Variants in SMYD3 observed in about 807,000 individuals in gnomAD.
SMYD3 encodes the protein histone-lysine N-methyltransferase SMYD3.
In SMYD3, 36 loss-of-function variants were observed where a neutral mutation model predicts 57.7. The ratio of observed to expected loss-of-function variants is 0.62; its 90% CI spans 0.48 to 0.82. The LOEUF (loss-of-function observed/expected upper bound fraction) is 0.82, where lower values mean the gene tolerates loss of function less well. Among genes scored for constraint, SMYD3 ranks in the 40% least tolerant of loss-of-function variants. The pLI, the probability that SMYD3 is intolerant of heterozygous loss-of-function variation, is 0.00. For missense variants in SMYD3, 515 were observed against 538.8 expected (o/e 0.96, Z 0.44); for synonymous variants, 211 against 195.0 (o/e 1.08, Z -0.68).
rs181580590 is a variant in SMYD3 at position 246,327,426 on chromosome 1, A to G, written c.395-89T>C. ...TGTTCAATGCTGGCTGTTAAACCAGATATTTCCTACCTTACATTGGATTTT... is the reference window on the plus strand; with the variant it reads ...TGTTCAATGCTGGCTGTTAAACCAGGTATTTCCTACCTTACATTGGATTTT... On this transcript the variant is annotated intron_variant, in intron 4 of 11. Transcript: ENST00000490107. The G allele has an allele frequency of 1.6e-4, 177 of 1,130,092 alleles. No homozygotes were observed. The Admixed American group carries it at 2.0e-3, about 13-fold the overall frequency. The allele number at this position is 1,130,092 out of a possible 1,614,324, so 70.0% of individuals were successfully genotyped here. A position where few individuals can be genotyped will look rare whatever the true frequency, so the allele number is the denominator to read the frequency against.
chr1:246,232,302 A>G (rs2063421354), intron 5 of SMYD3, among the ~76,000 whole-genome samples: 1 of 152,238 alleles, frequency 6.6e-6, no homozygotes, highest in East Asian at 1.9e-4. Flanking sequence ...AGAATTCTCA[A>G]CAGTAAAATA....
chr1:246,462,400 C>T (rs2067815658), intron 1 of SMYD3, among the ~76,000 whole-genome samples: 1 of 152,176 alleles, frequency 6.6e-6, no homozygotes, highest in Admixed American at 6.5e-5. Flanking sequence ...TACCCCCATC[C>T]TTGGACCTGC....
intron 10 of SMYD3, among the ~76,000 whole-genome samples, chr1:245,771,892 C>T (rs141729308): frequency 1.3e-3 from 197 of 152,140 alleles, no homozygotes; most frequent in African/African-American, 4.5e-3. Context: ...AAAGATGGGC[C>T]CCACAGTCAT....
intron 5 of SMYD3, among the ~76,000 whole-genome samples, chr1:246,054,903 C>G (rs368040663): frequency 5.5e-4 from 76 of 138,328 alleles, no homozygotes; most frequent in South Asian, 4.7e-3. Flanking sequence ...AGGCCAGGTG[C>G]GGCGGCTCAC....
chr1:246,015,556 T>G (rs2059362665), intron 5 of SMYD3, among the ~76,000 whole-genome samples: 1 of 152,190 alleles, frequency 6.6e-6, no homozygotes, highest in Admixed American at 6.5e-5. Flanking sequence ...TTTCTTCATC[T>G]TCTAAACCTG....
intron 1 of SMYD3, among the ~76,000 whole-genome samples, chr1:246,407,210 T>C (rs192037649): frequency 1.3e-5 from 2 of 152,378 alleles, no homozygotes; most frequent in Admixed American, 6.5e-5. Context: ...TAGGTCTAGA[T>C]TGTAACTGCT....
At chr1:246,165,328 C>G (rs962756106) in intron 5 of SMYD3, among the ~76,000 whole-genome samples, 2 of 152,130 alleles carry the variant, frequency 1.3e-5, no homozygotes, top group African/African-American at 4.8e-5. Flanking sequence ...AGAGGTGGAG[C>G]AAAGGCATTA....
intron 10 of SMYD3, among the ~76,000 whole-genome samples, chr1:245,806,916 C>CGAAA (rs2048200460): frequency 2.4e-5 from 1 of 41,318 alleles, no homozygotes; most frequent in African/African-American, 9.1e-5. Flanking sequence ...GACTCCGTCT[C>CGAAA]AAAAAAAAAA....
At chr1:246,292,226 A>T (rs2064707579) in intron 5 of SMYD3, among the ~76,000 whole-genome samples, 1 of 151,860 alleles carries the variant, frequency 6.6e-6, no homozygotes, top group East Asian at 1.9e-4. Flanking sequence ...ACACACCAGC[A>T]TCTTAGACTT....
intron 5 of SMYD3, among the ~76,000 whole-genome samples, chr1:246,235,864 G>A (rs1374860948): frequency 6.6e-6 from 1 of 152,124 alleles, no homozygotes; most frequent in Non-Finnish European, 1.5e-5. Flanking sequence ...CTTGAAATAT[G>A]GCTAGTGCAA....
At chr1:245,816,785 AC>A (rs1238281339) in intron 10 of SMYD3, among the ~76,000 whole-genome samples, 1 of 152,142 alleles carries the variant, frequency 6.6e-6, no homozygotes, top group East Asian at 1.9e-4. Flanking sequence ...GAAAGGGGTG[AC>A]GGACGCACCT....
At chr1:246,225,923 T>G (rs2063324002) in intron 5 of SMYD3, among the ~76,000 whole-genome samples, 1 of 152,250 alleles carries the variant, frequency 6.6e-6, no homozygotes, top group Non-Finnish European at 1.5e-5. Context: ...TGTAAGATGC[T>G]CTTCTAACTG....
At chr1:246,330,402 G>C (rs1457047881) in intron 4 of SMYD3, 78 bp downstream of exon 4, 15 of 1,176,138 alleles carry the variant, frequency 1.3e-5, no homozygotes, top group Admixed American at 2.5e-5. Context: ...GAAAAACATA[G>C]TTAAAAATAA....
intron 10 of SMYD3, among the ~76,000 whole-genome samples, chr1:245,842,281 T>C (rs982672320): frequency 1.3e-5 from 2 of 152,244 alleles, no homozygotes; most frequent in African/African-American, 4.8e-5. Flanking sequence ...TAAATCGTCA[T>C]GGGTAAATGT....
chr1:245,823,312 C>A (rs932187525), intron 10 of SMYD3, among the ~76,000 whole-genome samples: 8 of 143,190 alleles, frequency 5.6e-5, no homozygotes, highest in African/African-American at 2.1e-4. Context: ...CTCTGCCACA[C>A]GTGCGTGTGC....
chr1:246,392,858 C>T (rs568506169), intron 1 of SMYD3, among the ~76,000 whole-genome samples: 17 of 147,516 alleles, frequency 1.2e-4, no homozygotes, highest in African/African-American at 4.2e-4. Flanking sequence ...AAAGAAGATA[C>T]ACAAATAGTC....
intron 8 of SMYD3, among the ~76,000 whole-genome samples, chr1:245,865,427 T>C (rs2051782228): frequency 2.0e-5 from 3 of 152,204 alleles, no homozygotes; most frequent in Non-Finnish European, 4.4e-5. Flanking sequence ...TCAGAGGGTG[T>C]CTAACATCTT....
chr1:245,874,074 C>T (rs1400327668), intron 8 of SMYD3, among the ~76,000 whole-genome samples: 2 of 152,172 alleles, frequency 1.3e-5, no homozygotes, highest in East Asian at 1.9e-4. Flanking sequence ...GATTGTGCAA[C>T]AAATTGTAAA....
At chr1:246,295,997 C>A (rs541072022) in intron 5 of SMYD3, among the ~76,000 whole-genome samples, 13 of 152,200 alleles carry the variant, frequency 8.5e-5, no homozygotes, top group African/African-American at 2.6e-4. Flanking sequence ...TGTATGCATG[C>A]GGAGGTAGGT....
Sources: allele counts gnomAD v4.1 joint callset (sites outside exome capture counted in the v4.1 genomes callset), GRCh38; gene constraint gnomAD v4.1.1; transcripts MANE v1.5; gene names NCBI Gene and HGNC (gene_info 2026-07-23, HGNC 2026-07-21).